EXOC2: variants seen among roughly 807,000 people sequenced by gnomAD.
EXOC2 encodes exocyst complex component 2.
In EXOC2, 70 loss-of-function variants were observed where a neutral mutation model predicts 131.8. The ratio of observed to expected loss-of-function variants is 0.53; its 90% CI spans 0.44 to 0.65. The LOEUF is 0.65. Ranked by LOEUF, EXOC2 falls within the 30% of genes least tolerant of loss-of-function variation. The pLI is 0.00. For missense variants in EXOC2, 923 were observed against 1,108.6 expected (o/e 0.83, Z 2.38); for synonymous variants, 411 against 398.4 (o/e 1.03, Z -0.38).
chr6:548,696 G>C (rs925173522), intron 22 of EXOC2, among the ~76,000 whole-genome samples: 1 of 152,206 alleles, frequency 6.6e-6, no homozygotes, highest in Admixed American at 6.5e-5. Flanking sequence ...CATGCACAAA[G>C]CAGCAAAGCA....
intron 11 of EXOC2, among the ~76,000 whole-genome samples, chr6:590,914 C>G (rs935347585): frequency 4.6e-5 from 7 of 152,180 alleles, no homozygotes; most frequent in Non-Finnish European, 1.0e-4. Flanking sequence ...ACTTACATGT[C>G]AGACAACCCC....
intron 23 of EXOC2, among the ~76,000 whole-genome samples, chr6:522,984 G>GA (rs1364127388): frequency 6.6e-6 from 1 of 152,212 alleles, no homozygotes; most frequent in African/African-American, 2.4e-5. Flanking sequence ...TGGCTGTGAG[G>GA]AAAGAAGAAA....
At chr6:529,263 G>A (rs1427407593) in intron 23 of EXOC2, among the ~76,000 whole-genome samples, 3 of 152,198 alleles carry the variant, frequency 2.0e-5, no homozygotes, top group African/African-American at 7.2e-5. Context: ...TCTGTTTTCC[G>A]AAGACACCTT....
intron 16 of EXOC2, among the ~76,000 whole-genome samples, chr6:563,163 G>A (rs1364623248): frequency 6.6e-6 from 1 of 152,226 alleles, no homozygotes; most frequent in Non-Finnish European, 1.5e-5. Context: ...CACTAGGCAT[G>A]TACAAAATAA....
At position 555,931 on chromosome 6, in the gene EXOC2, G is replaced by C. The variant is rs73376440; in HGVS notation, c.1992+23C>G. ...CACTTAGTATTATTTGAGGCTTTCA[G>C]CATTACTGCTTTCTATTATTACCTG... On this transcript the variant is annotated intron_variant, in intron 19 of 27. Transcript: ENST00000230449. 3.7e-4 allele frequency: 596 copies of C among 1,610,168 alleles called. 8 individuals carry two copies. The South Asian group carries it at 6.1e-3, about 17-fold the overall frequency.
At position 619,447 on chromosome 6, in the gene EXOC2, C is replaced by T. The variant is rs1261387157; in HGVS notation, c.519G>A (p.Glu173=). 1.2e-6 allele frequency: 2 copies of T among 1,613,824 alleles called. No homozygotes were observed. Among genetic ancestry groups the T allele is most frequent in the Non-Finnish European group, 1.7e-6 (2 of 1,179,740 alleles). ...ENFSAAWYLI[E]NHSNTSFEQL... Reference sequence around the variant, plus strand: ...CCACTAACCTGGTGTTTGAGTGATTCTCTATAAGATACCAGGCTGCTGAGA... The same window carrying T: ...CCACTAACCTGGTGTTTGAGTGATTTTCTATAAGATACCAGGCTGCTGAGA... The change falls in exon 5 of 28, where the codon GAG becomes GAA. Residue 173 remains glutamate, a synonymous_variant. Transcript: ENST00000230449.
At chr6:551,734 G>A (rs977464359) in intron 21 of EXOC2, among the ~76,000 whole-genome samples, 3 of 152,292 alleles carry the variant, frequency 2.0e-5, no homozygotes, top group Middle Eastern at 3.4e-3. Context: ...CTAGCCTGCC[G>A]CATTTCCATG....
intron 1 of EXOC2, chr6:656,530 T>A (rs1260260630): frequency 1.9e-6 from 3 of 1,604,034 alleles, no homozygotes; most frequent in Middle Eastern, 3.3e-4. Context: ...CACACTCTCC[T>A]GGGAAGCACC....
chr6:602,807 G>A (rs959197993), intron 7 of EXOC2, among the ~76,000 whole-genome samples: 1 of 152,138 alleles, frequency 6.6e-6, no homozygotes, highest in Non-Finnish European at 1.5e-5. Context: ...CAGTGTAGTC[G>A]GGTCTGTGGA....
At chr6:686,517 A>G (rs1308710953) in intron 1 of EXOC2, among the ~76,000 whole-genome samples, 1 of 152,204 alleles carries the variant, frequency 6.6e-6, no homozygotes, top group Non-Finnish European at 1.5e-5. Context: ...GAGAATGTGC[A>G]TGAGATGACT....
At chr6:550,069 T>C (rs560915979) in intron 21 of EXOC2, among the ~76,000 whole-genome samples, 6 of 152,404 alleles carry the variant, frequency 3.9e-5, no homozygotes, top group South Asian at 4.1e-4. Flanking sequence ...GGAATTGCCC[T>C]TTTGCTGCTG....
chr6:499,553 A>T (rs1763926533), intron 24 of EXOC2, 92 bp downstream of exon 24: 1 of 1,139,490 alleles, frequency 8.8e-7, no homozygotes, highest in South Asian at 1.4e-5. Flanking sequence ...GAGGGAAAAA[A>T]AAGACCACCA....
At chr6:618,614 A>G (rs1324728184) in intron 5 of EXOC2, among the ~76,000 whole-genome samples, 1 of 152,228 alleles carries the variant, frequency 6.6e-6, no homozygotes, top group Non-Finnish European at 1.5e-5. Flanking sequence ...TTAAAAAGCA[A>G]TCAGGTTAAA....
chr6:633,218 A>T, intron 2 of EXOC2, 101 bp from the exon 3 acceptor site: 16 of 1,211,792 alleles, frequency 1.3e-5, no homozygotes, highest in Non-Finnish European at 1.7e-5. Flanking sequence ...TTCAATAATG[A>T]CATTATTGAA....
intron 23 of EXOC2, among the ~76,000 whole-genome samples, chr6:524,002 TC>T (rs1245093692): frequency 6.6e-6 from 1 of 152,158 alleles, no homozygotes; most frequent in Non-Finnish European, 1.5e-5. Flanking sequence ...TCTAGATGCT[TC>T]CACCAAAACT....
At chr6:614,912 A>G (rs1387832762) in intron 6 of EXOC2, among the ~76,000 whole-genome samples, 1 of 142,692 alleles carries the variant, frequency 7.0e-6, no homozygotes, top group African/African-American at 2.6e-5. Flanking sequence ...TATGAAAACA[A>G]AAATTTACTA....
intron 17 of EXOC2, among the ~76,000 whole-genome samples, chr6:559,213 G>A (rs1430204855): frequency 2.6e-5 from 4 of 152,168 alleles, no homozygotes; most frequent in East Asian, 3.8e-4. Flanking sequence ...GGATGCTTTC[G>A]AGTGAGCTGT....
chr6:568,047 C>T (rs918515876), intron 13 of EXOC2, among the ~76,000 whole-genome samples: 2 of 152,144 alleles, frequency 1.3e-5, no homozygotes, highest in African/African-American at 4.8e-5. Context: ...TGCTGCGGAG[C>T]CCAGCACCTA....
chr6:638,842 C>T (rs535587901), intron 1 of EXOC2, among the ~76,000 whole-genome samples: 2 of 152,122 alleles, frequency 1.3e-5, no homozygotes, highest in Non-Finnish European at 1.5e-5. Context: ...GGCAAGAGAA[C>T]TGCTTGAACC....
Sources: allele counts gnomAD v4.1 joint callset (sites outside exome capture counted in the v4.1 genomes callset), GRCh38; gene constraint gnomAD v4.1.1; transcripts MANE v1.5; gene names NCBI Gene and HGNC (gene_info 2026-07-23, HGNC 2026-07-21).